The following FRMPD2 variants were observed in gnomAD, a reference collection of about 807,000 sequenced individuals.
FRMPD2 encodes FERM and PDZ domain containing 2.
In FRMPD2, 96 loss-of-function variants were observed where a neutral mutation model predicts 140.1. That is an observed-to-expected ratio of 0.69 (90% confidence interval 0.58 to 0.81). The LOEUF (loss-of-function observed/expected upper bound fraction) is 0.81, where lower values mean the gene tolerates loss of function less well. FRMPD2 is among the 40% of genes least tolerant of loss of function. The pLI is 0.00. For missense variants in FRMPD2, 1,240 were observed against 1,447.4 expected, an observed-to-expected ratio of 0.86 and a Z score of 2.32; for synonymous variants, 449 against 547.6, an observed-to-expected ratio of 0.82 and a Z score of 2.52.
intron 14 of FRMPD2, among the ~76,000 whole-genome samples, chr10:48,204,646 T>C (rs1001686327): frequency 3.3e-5 from 5 of 152,208 alleles, no homozygotes; most frequent in Non-Finnish European, 7.4e-5. Context: ...ATCTGCAGGA[T>C]TTGTTCAGCT....
chr10:48,227,811 C>A (rs1839759494), intron 10 of FRMPD2, among the ~76,000 whole-genome samples: 1 of 152,072 alleles, frequency 6.6e-6, no homozygotes, highest in African/African-American at 2.4e-5. Context: ...CAGAACTAAC[C>A]TAAATGTTTT....
In FRMPD2 at chr10:48,178,157, A is replaced by G. The variant is rs781798288; in HGVS notation, c.2791-6T>C. The G allele has an allele frequency of 1.4e-6, 2 of 1,446,046 alleles. No individual in the cohort carries two copies. The highest frequency in any genetic ancestry group is 1.2e-5 in the South Asian group (1 of 86,472). The allele number at this position is 1,446,046 out of a possible 1,614,324, so 89.6% of individuals were successfully genotyped here. ...GGACAAGAAGAACCAGCACCCTGCC[A>G]TAAACAAACAAACAAAAATAAAGAT... On this transcript the variant is annotated splice_region_variant and splice_polypyrimidine_tract_variant and intron_variant, in intron 21 of 28. Transcript: ENST00000374201.
chr10:48,214,975 T>C (rs1839412444), intron 12 of FRMPD2, among the ~76,000 whole-genome samples: 1 of 152,216 alleles, frequency 6.6e-6, no homozygotes. Context: ...AACCCCCGCA[T>C]GTGATCAAGG....
intron 1 of FRMPD2, among the ~76,000 whole-genome samples, chr10:48,255,108 C>G (rs1377824987): frequency 6.6e-6 from 1 of 152,148 alleles, no homozygotes; most frequent in Non-Finnish European, 1.5e-5. Flanking sequence ...CCTCCACTAC[C>G]CTTATCTCTC....
At chr10:48,209,136 C>G (rs936009820) in intron 13 of FRMPD2, among the ~76,000 whole-genome samples, 1 of 151,992 alleles carries the variant, frequency 6.6e-6, no homozygotes, top group Non-Finnish European at 1.5e-5. Context: ...TATCAGGCAG[C>G]CTTTACAAAG....
chr10:48,214,999 C>T (rs1232875835), intron 12 of FRMPD2, among the ~76,000 whole-genome samples: 1 of 152,190 alleles, frequency 6.6e-6, no homozygotes, highest in African/African-American at 2.4e-5. Flanking sequence ...GGAGAGAATG[C>T]ACCCAGAGGA....
intron 24 of FRMPD2, among the ~76,000 whole-genome samples, chr10:48,174,027 G>A (rs1184987975): frequency 6.6e-6 from 1 of 152,184 alleles, no homozygotes; most frequent in Non-Finnish European, 1.5e-5. Context: ...ATATCAGAAG[G>A]TGCCAATAAA....
At chr10:48,242,474 T>A in intron 4 of FRMPD2, 122 bp from the exon 5 acceptor site, 2 of 757,864 alleles carry the variant, frequency 2.6e-6, no homozygotes, top group Non-Finnish European at 4.2e-6. Context: ...CCAGAGCAGA[T>A]GCCTGCCCCT....
At position 48,184,724 on chromosome 10, in the gene FRMPD2, A is replaced by G. The variant is rs754934693; in HGVS notation, c.2468-42T>C. ...TCTCAATAATCCTTCAAGGAAATAA[A>G]AAAGAGTGGTTTCTTAAAACAGCAT... is the stretch of plus-strand genomic sequence containing the variant. On this transcript the variant is annotated intron_variant, in intron 19 of 28. Transcript: ENST00000374201. The G allele has an allele frequency of 3.8e-6, 6 of 1,596,092 alleles. No homozygotes were observed. In the Admixed American group the frequency reaches 8.4e-5, roughly 22 times the overall value.
chr10:48,260,071 G>A (rs1156999965), intron 1 of FRMPD2, among the ~76,000 whole-genome samples: 1 of 151,992 alleles, frequency 6.6e-6, no homozygotes, highest in Non-Finnish European at 1.5e-5. Context: ...TAACATATGT[G>A]TAAAAGGACA....
intron 12 of FRMPD2, among the ~76,000 whole-genome samples, chr10:48,214,265 T>C (rs1839394466): frequency 6.6e-6 from 1 of 152,222 alleles, no homozygotes; most frequent in African/African-American, 2.4e-5. Flanking sequence ...CAAACTGCAA[T>C]TCTTGCTTCC....
rs918595480 is a variant in FRMPD2, at chr10:48,183,878, C to T, written c.2584+688G>A. On this transcript the variant is annotated intron_variant, in intron 20 of 28. Coordinates refer to ENST00000374201, the MANE Select transcript of FRMPD2 (RefSeq NM_001018071.4). Reference sequence around the variant, plus strand: ...AAAAAAAAAAAGGAAAATCAAATACCGCATGTTCTCATTTACAAGTGGGAG... The same window carrying T: ...AAAAAAAAAAAGGAAAATCAAATACTGCATGTTCTCATTTACAAGTGGGAG... Among the ~76,000 whole-genome samples the T allele has an allele frequency of 3.9e-4, 36 of 92,342 alleles. 1 individual carries two copies. Among genetic ancestry groups the T allele is most frequent in the African/African-American group, 1.6e-3 (35 of 21,584 alleles). The allele number at this position is 92,342 out of a possible 152,430, so 60.6% of individuals were successfully genotyped here.
chr10:48,243,484 G>T (rs1433687904), intron 4 of FRMPD2, among the ~76,000 whole-genome samples: 1 of 152,206 alleles, frequency 6.6e-6, no homozygotes, highest in Non-Finnish European at 1.5e-5. Flanking sequence ...AAATTATTAA[G>T]AATTCCAGGA....
chr10:48,234,291 T>C (rs1839916898), intron 9 of FRMPD2, among the ~76,000 whole-genome samples: 1 of 152,202 alleles, frequency 6.6e-6, no homozygotes, highest in Admixed American at 6.5e-5. Context: ...TACCATGACA[T>C]GATGAGACAG....
At chr10:48,212,523 T>C (rs1188979620) in intron 12 of FRMPD2, among the ~76,000 whole-genome samples, 1 of 152,064 alleles carries the variant, frequency 6.6e-6, no homozygotes, top group East Asian at 1.9e-4. Flanking sequence ...CTTTCCACGA[T>C]GCCACACCTT....
intron 10 of FRMPD2, among the ~76,000 whole-genome samples, chr10:48,225,009 C>T (rs1839691080): frequency 6.6e-6 from 1 of 152,172 alleles, no homozygotes; most frequent in Non-Finnish European, 1.5e-5. Flanking sequence ...CATGCTCTCA[C>T]CAGCCCTGCT....
chr10:48,200,566 C>G (rs544335992), intron 15 of FRMPD2, among the ~76,000 whole-genome samples: 1 of 152,154 alleles, frequency 6.6e-6, no homozygotes. Flanking sequence ...CTTTTTCCTT[C>G]GAATTCCTTT....
chr10:48,177,829 T>G (rs1319251750), intron 22 of FRMPD2: 3 of 385,212 alleles, frequency 7.8e-6, no homozygotes, highest in African/African-American at 6.1e-5. Context: ...GAGTTTGGAG[T>G]CCCCTAGTGC....
At chr10:48,231,946 T>C (rs1345849024) in intron 10 of FRMPD2, among the ~76,000 whole-genome samples, 169 bp downstream of exon 10, 1 of 152,230 alleles carries the variant, frequency 6.6e-6, no homozygotes, top group Non-Finnish European at 1.5e-5. Flanking sequence ...TGCTTGATGC[T>C]TTATCCATGA....
Sources: allele counts gnomAD v4.1 joint callset (sites outside exome capture counted in the v4.1 genomes callset), GRCh38; gene constraint gnomAD v4.1.1; transcripts MANE v1.5; gene names NCBI Gene and HGNC (gene_info 2026-07-23, HGNC 2026-07-21).